The following MEIG1 variants were observed in gnomAD, a reference collection of about 807,000 sequenced individuals.
MEIG1 encodes the protein meiosis/spermiogenesis associated 1.
MEIG1 carries 12 observed loss-of-function variants against 11.3 expected under a neutral mutation model. The observed-to-expected ratio is 1.07, with a 90% CI of 0.68 to 1.73. The LOEUF (loss-of-function observed/expected upper bound fraction) is 1.73. MEIG1 is among the 40% of genes most tolerant of loss of function. The probability of loss-of-function intolerance (pLI) is 0.00; values close to 1 mark genes in which losing one functional copy is unlikely to be tolerated. For missense variants in MEIG1, 119 were observed against 104.9 expected (o/e 1.13, Z -0.59); for synonymous variants, 41 against 33.2 (o/e 1.24, Z -0.81).
At chr10:14,963,871 GGCGGATCATGAGTT>G (rs1166879457) in intron 1 of MEIG1, among the ~76,000 whole-genome samples, 1 of 152,168 alleles carries the variant, frequency 6.6e-6, no homozygotes, top group Non-Finnish European at 1.5e-5. Context: ...GGCTGAGGCA[GGCGGATCATGAGTT>G]CAGGAGATCC....
intron 1 of MEIG1, among the ~76,000 whole-genome samples, chr10:14,965,663 A>T (rs1843072190): frequency 6.7e-6 from 1 of 148,574 alleles, no homozygotes; most frequent in African/African-American, 2.5e-5. Flanking sequence ...GACGGGTCTT[A>T]CATTCCCTTT....
chr10:14,970,994 A>C (rs1336111979), intron 2 of MEIG1, among the ~76,000 whole-genome samples: 2 of 152,186 alleles, frequency 1.3e-5, no homozygotes, highest in Non-Finnish European at 2.9e-5. Flanking sequence ...TAACCTGGCC[A>C]GGAAGGGATA....
Position 14,972,840 on chromosome 10 carries a change from G to T in MEIG1, c.*199G>T. The T allele has an allele frequency of 6.0e-6, 3 of 502,932 alleles. No homozygotes were observed. The highest frequency in any genetic ancestry group is 7.0e-6 in the Non-Finnish European group (2 of 286,792). 31.2% of individuals were successfully genotyped at this position (502,932 alleles called of 1,614,324 possible). On this transcript the variant is annotated 3_prime_UTR_variant, in exon 3 of 3. Transcript: ENST00000407572. ...AACTGGCTGCAGATGCATTAAAGTTGTACTTTCTTGGTCCTGCTCTTTTTG... is the reference window on the plus strand; with the variant it reads ...AACTGGCTGCAGATGCATTAAAGTTTTACTTTCTTGGTCCTGCTCTTTTTG...
At chr10:14,958,800 G>T (rs1053936579), upstream of MEIG1, among the ~76,000 whole-genome samples, 1 of 152,114 alleles carries the variant, frequency 6.6e-6, no homozygotes, top group Non-Finnish European at 1.5e-5. Context: ...GGAGGCTGAG[G>T]CAGGAGAATG....
At chr10:14,964,047 G>A (rs1183107150) in intron 1 of MEIG1, among the ~76,000 whole-genome samples, 1 of 149,636 alleles carries the variant, frequency 6.7e-6, no homozygotes, top group Non-Finnish European at 1.5e-5. Flanking sequence ...GCAGTGAGCC[G>A]AGATCGCGCC....
At chr10:14,975,038 C>T (rs1316586247), downstream of MEIG1, among the ~76,000 whole-genome samples, 1 of 151,988 alleles carries the variant, frequency 6.6e-6, no homozygotes, top group Non-Finnish European at 1.5e-5. Flanking sequence ...GCTGTACACC[C>T]ACCCGGTGAT....
intron 1 of MEIG1, among the ~76,000 whole-genome samples, chr10:14,983,327 A>C (rs761848230): frequency 9.9e-5 from 15 of 152,098 alleles, no homozygotes; most frequent in Admixed American, 3.9e-4. Flanking sequence ...CCCTTCTGTG[A>C]CATCGTTCCT....
downstream of MEIG1, among the ~76,000 whole-genome samples, chr10:14,973,161 T>A (rs1486463971): frequency 6.6e-6 from 1 of 152,178 alleles, no homozygotes; most frequent in Non-Finnish European, 1.5e-5. Context: ...CCACCACACC[T>A]GGCCTCTGTC....
At chr10:14,965,272 T>C (rs1355829360) in intron 1 of MEIG1, among the ~76,000 whole-genome samples, 1 of 152,214 alleles carries the variant, frequency 6.6e-6, no homozygotes, top group African/African-American at 2.4e-5. Flanking sequence ...TCTGTACACT[T>C]TATTTCAGTT....
upstream of MEIG1, among the ~76,000 whole-genome samples, chr10:14,957,885 A>G (rs1408483363): frequency 1.3e-5 from 2 of 152,128 alleles, no homozygotes; most frequent in African/African-American, 4.8e-5. Flanking sequence ...TGACCTCGTG[A>G]TCTGCCCACC....
At chr10:14,987,397 T>C in intron 2 of MEIG1, 1 of 745,732 alleles carries the variant, frequency 1.3e-6, no homozygotes, top group African/African-American at 1.7e-5. Flanking sequence ...CCTCTGAGAG[T>C]CCCAGGAGGA....
chr10:14,976,033 C>A (rs1197570076), downstream of MEIG1, among the ~76,000 whole-genome samples: 1 of 152,154 alleles, frequency 6.6e-6, no homozygotes, highest in African/African-American at 2.4e-5. Context: ...CACCGTGGAT[C>A]CTAATATCCA....
chr10:14,979,172 T>G (rs1843240022), intron 1 of MEIG1, among the ~76,000 whole-genome samples: 2 of 151,934 alleles, frequency 1.3e-5, no homozygotes, highest in Admixed American at 1.3e-4. Flanking sequence ...GGGATTTTAC[T>G]TTAAATATCA....
chr10:14,982,238 A>T (rs1297883101), intron 1 of MEIG1, among the ~76,000 whole-genome samples: 1 of 152,120 alleles, frequency 6.6e-6, no homozygotes, highest in Non-Finnish European at 1.5e-5. Context: ...TCCCCTCATT[A>T]ATCCTTCCAA....
At chr10:14,978,783 G>A (rs936996863) in intron 1 of MEIG1, among the ~76,000 whole-genome samples, 6 of 151,926 alleles carry the variant, frequency 3.9e-5, no homozygotes, top group African/African-American at 9.7e-5. Flanking sequence ...ATATCCTAGC[G>A]AGATGTGACT....
At chr10:14,970,536 C>T (rs2298112) in intron 2 of MEIG1, 1 of 152,106 alleles carries the variant, frequency 6.6e-6, no homozygotes, top group Non-Finnish European at 1.5e-5. Context: ...CACCTCCTTT[C>T]CCTGCCAAAG....
Position 14,968,647 on chromosome 10 carries a change from T to C in MEIG1, c.138+2041T>C, listed in dbSNP as rs140183887. ...ATTTAAAATACTGATCAAGTGAAGA[T>C]TGATTACTGTGACTTCCATGTATCT... On this transcript the variant is annotated intron_variant, in intron 2 of 2. Transcript: ENST00000407572. Among the ~76,000 whole-genome samples the C allele has an allele frequency of 1.2e-4, 18 of 152,340 alleles. No individual in the cohort carries two copies. In the East Asian group the frequency reaches 2.9e-3, roughly 24 times the overall value.
intron 2 of MEIG1, chr10:14,987,551 G>C (rs769583698): frequency 7.3e-5 from 47 of 641,132 alleles, no homozygotes; most frequent in Admixed American, 1.6e-4. Context: ...TACACTTGCA[G>C]ACCATACACC....
At chr10:14,955,379 C>G (rs10906778), upstream of MEIG1, among the ~76,000 whole-genome samples, 99,841 of 151,994 alleles carry the variant, frequency 0.66, 33,041 homozygotes, top group Admixed American at 0.69. Flanking sequence ...AATCCAGGAA[C>G]AAAGATTTCT....
Sources: allele counts gnomAD v4.1 joint callset (sites outside exome capture counted in the v4.1 genomes callset), GRCh38; gene constraint gnomAD v4.1.1; transcripts MANE v1.5; gene names NCBI Gene and HGNC (gene_info 2026-07-23, HGNC 2026-07-21).